The following GRIN3A variants were observed in gnomAD, a reference collection of about 807,000 sequenced individuals.
GRIN3A encodes glutamate receptor ionotropic, NMDA 3A.
Under a neutral mutation model 92.4 loss-of-function variants are expected in GRIN3A, and 47 were observed. That is an observed-to-expected ratio of 0.51 (90% CI 0.40 to 0.65). GRIN3A has a LOEUF of 0.65. Among genes scored for constraint, GRIN3A ranks in the 30% least tolerant of loss-of-function variants. The pLI, the probability that GRIN3A is intolerant of heterozygous loss-of-function variation, is 0.00. For missense variants in GRIN3A, 1,324 were observed against 1,393.1 expected (o/e 0.95, Z 0.79); for synonymous variants, 527 against 540.6 (o/e 0.97, Z 0.35).
chr9:101,590,734 A>T (rs888532083), intron 6 of GRIN3A, among the ~76,000 whole-genome samples: 5 of 152,188 alleles, frequency 3.3e-5, no homozygotes, highest in African/African-American at 4.8e-5. Flanking sequence ...TTCAAAATAG[A>T]TATAACACCA....
intron 1 of GRIN3A, among the ~76,000 whole-genome samples, chr9:101,704,448 A>G (rs1047153926): frequency 2.0e-5 from 3 of 152,224 alleles, no homozygotes; most frequent in Non-Finnish European, 4.4e-5. Flanking sequence ...TATACAGACA[A>G]TTCTCAACTT....
chr9:101,586,846 T>C (rs1827956217), intron 6 of GRIN3A, among the ~76,000 whole-genome samples: 1 of 152,098 alleles, frequency 6.6e-6, no homozygotes, highest in African/African-American at 2.4e-5. Flanking sequence ...ATATCAAAGG[T>C]GTTTGGAGAT....
Position 101,737,396 on chromosome 9 carries a change from G to A in GRIN3A, c.584C>T (p.Ala195Val). 6.2e-7 allele frequency: 1 copy of A among 1,614,232 alleles called. No individual in the cohort carries two copies. Among genetic ancestry groups the A allele is most frequent in the Non-Finnish European group, 8.5e-7 (1 of 1,180,044 alleles). The change falls in exon 1 of 9, where the codon GCG becomes GTG. Residue 195 changes from alanine to valine, a missense_variant. By Grantham distance (64) the Ala-to-Val change is moderately conservative. Transcript: ENST00000361820. ...CHTVVVQGVS[A>V]LLAFPQSQGE... is the part of the protein sequence containing the mutation. ...CTGGCTCTGGGGGAAGGCGAGCAGC[G>A]CCGACACCCCTTGCACCACCACGGT...
intron 6 of GRIN3A, chr9:101,601,056 A>G (rs77008571): frequency 8.5e-5 from 13 of 152,368 alleles, no homozygotes; most frequent in African/African-American, 3.1e-4. Context: ...GAATTGAGAA[A>G]TTACTTCTTG....
rs55740289 is a variant in GRIN3A at position 101,622,678 on chromosome 9, T to G, written c.2614+640A>C. On this transcript the variant is annotated intron_variant, in intron 5 of 8. Coordinates refer to ENST00000361820, the MANE Select transcript of GRIN3A (RefSeq NM_133445.3). ...TCTACTTATTTTCCAACCAGTGGAATAATACTTATTTAAGAACCAGGAGCT... is the reference window on the plus strand; with the variant it reads ...TCTACTTATTTTCCAACCAGTGGAAGAATACTTATTTAAGAACCAGGAGCT... 9.2e-3 allele frequency among the ~76,000 whole-genome samples: 1,399 copies of G among 152,304 alleles called. 27 individuals are homozygous for G. Among genetic ancestry groups the G allele is most frequent in the African/African-American group, 0.032 (1,341 of 41,568 alleles).
intron 6 of GRIN3A, chr9:101,591,468 A>G (rs1828025310): frequency 6.6e-6 from 1 of 152,204 alleles, no homozygotes; most frequent in Non-Finnish European, 1.5e-5. Context: ...ATGCTTTGCC[A>G]CTTACCAGCT....
chr9:101,606,893 T>A (rs990901596), intron 6 of GRIN3A, among the ~76,000 whole-genome samples: 5 of 144,416 alleles, frequency 3.5e-5, no homozygotes, highest in African/African-American at 1.3e-4. Flanking sequence ...CTTGGGGAGT[T>A]GAAAAAAATT....
chr9:101,737,866 G>A lies in GRIN3A; in HGVS notation c.114C>T (p.Cys38=). 6.5e-7 allele frequency: 1 copy of A among 1,533,982 alleles called. No homozygotes were observed. Among genetic ancestry groups the A allele is most frequent in the Non-Finnish European group, 8.7e-7 (1 of 1,146,522 alleles). The part of the protein sequence containing the change: ...VPSSSSHPQP[C]QILKRIGHAV... Reference sequence around the variant, plus strand: ...CGTGCCCGATGCGCTTGAGGATCTGGCAGGGCTGCGGGTGCGAGGAGGAGC... The same window carrying A: ...CGTGCCCGATGCGCTTGAGGATCTGACAGGGCTGCGGGTGCGAGGAGGAGC... The change falls in exon 1 of 9, where the codon TGC becomes TGT. Residue 38 remains cysteine, a synonymous_variant. Coordinates refer to ENST00000361820, the MANE Select transcript of GRIN3A (RefSeq NM_133445.3).
chr9:101,708,256 A>C (rs1829835327), intron 1 of GRIN3A, among the ~76,000 whole-genome samples: 1 of 152,194 alleles, frequency 6.6e-6, no homozygotes, highest in South Asian at 2.1e-4. Context: ...TTGAATAGTA[A>C]ATTAGACTTC....
chr9:101,614,180 A>T (rs1275094181), intron 5 of GRIN3A, among the ~76,000 whole-genome samples: 2 of 152,226 alleles, frequency 1.3e-5, no homozygotes, highest in Non-Finnish European at 2.9e-5. Context: ...AAATTGATAC[A>T]AACATTTTGG....
chr9:101,722,991 G>A (rs1378617827), intron 1 of GRIN3A, among the ~76,000 whole-genome samples: 5 of 152,146 alleles, frequency 3.3e-5, no homozygotes, highest in East Asian at 3.9e-4. Context: ...AGAATGATAC[G>A]GTTTGGCTGT....
intron 2 of GRIN3A, among the ~76,000 whole-genome samples, chr9:101,683,685 T>G (rs955397532): frequency 1.3e-5 from 2 of 152,172 alleles, no homozygotes; most frequent in East Asian, 3.9e-4. Context: ...AACACATTCA[T>G]CATGATGAAA....
intron 1 of GRIN3A, among the ~76,000 whole-genome samples, chr9:101,728,027 G>T (rs946628532): frequency 2.0e-5 from 3 of 149,954 alleles, no homozygotes; most frequent in African/African-American, 7.4e-5. Context: ...GTATATATTT[G>T]CTCCCATTAT....
chr9:101,569,814 C>T lies in GRIN3A; in HGVS notation c.*3360G>A, dbSNP rs1827735364. ...AGAGGCTCTAAAGTAGTTTCTTTCC[C>T]CTTTATTCTTTACCCACACCAAGGA... is the stretch of plus-strand genomic sequence containing the variant. On this transcript the variant is annotated 3_prime_UTR_variant, in exon 9 of 9. Transcript: ENST00000361820. 1.3e-5 allele frequency: 2 copies of T among 152,178 alleles called. No homozygotes were observed. The highest frequency in any genetic ancestry group is 1.9e-4 in the East Asian group (1 of 5,170). The allele number at this position is 152,178 out of a possible 1,614,324, so 9.4% of individuals were successfully genotyped here. A position where few individuals can be genotyped will look rare whatever the true frequency, so the allele number is the denominator to read the frequency against.
At chr9:101,605,163 A>G (rs926166525) in intron 6 of GRIN3A, among the ~76,000 whole-genome samples, 2 of 152,192 alleles carry the variant, frequency 1.3e-5, no homozygotes, top group Non-Finnish European at 2.9e-5. Flanking sequence ...TTTGCTGGCC[A>G]TGGTACATGG....
chr9:101,670,583 T>A lies in GRIN3A; in HGVS notation c.1829A>T (p.Asn610Ile), dbSNP rs772543606. 16 of 1,613,826 alleles carry A rather than the reference T, an allele frequency of 9.9e-6. No individual in the cohort carries two copies. The highest frequency in any genetic ancestry group is 1.4e-5 in the Non-Finnish European group (16 of 1,179,918). The change falls in exon 3 of 9, where the codon AAT (asparagine) becomes ATT (isoleucine). Residue 610 changes from asparagine to isoleucine, a missense_variant. Coordinates refer to ENST00000361820, the MANE Select transcript of GRIN3A (RefSeq NM_133445.3). ...ACCCACTAGCCCAGTCCAGTGCCCA[T>A]TTTTCCATGCTCCATACTTTCCATC... ...VGDGKYGAWK[N>I]GHWTGLVGDL...
intron 6 of GRIN3A, 71 bp from the exon 7 acceptor site, chr9:101,579,431 G>C: frequency 6.7e-7 from 1 of 1,487,566 alleles, no homozygotes; most frequent in African/African-American, 1.4e-5. Context: ...TGTACTCTTT[G>C]GTTTTCAGAT....
rs1827735666 is a variant in GRIN3A, at chr9:101,569,863, C to T, written c.*3311G>A. 6.6e-6 allele frequency: 1 copy of T among 152,258 alleles called. No individual in the cohort carries two copies. Among genetic ancestry groups the T allele is most frequent in the East Asian group, 1.9e-4 (1 of 5,166 alleles). The allele number at this position is 152,258 out of a possible 1,614,324, so 9.4% of individuals were successfully genotyped here. A position where few individuals can be genotyped will look rare whatever the true frequency, so the allele number is the denominator to read the frequency against. On this transcript the variant is annotated 3_prime_UTR_variant, in exon 9 of 9. Transcript: ENST00000361820. ...GAAGTGCTTAACTTGCTCTAAGGCT[C>T]TAACAGACACAGCACCAACACTGAG...
intron 1 of GRIN3A, among the ~76,000 whole-genome samples, chr9:101,730,419 A>C (rs1259635595): frequency 6.6e-6 from 1 of 152,176 alleles, no homozygotes; most frequent in East Asian, 1.9e-4. Flanking sequence ...ACATCATAAG[A>C]ACACACTGCT....
Sources: allele counts gnomAD v4.1 joint callset (sites outside exome capture counted in the v4.1 genomes callset), GRCh38; gene constraint gnomAD v4.1.1; transcripts MANE v1.5; gene names NCBI Gene and HGNC (gene_info 2026-07-23, HGNC 2026-07-21).